The following ENTREP2 variants were observed in gnomAD, a reference collection of about 807,000 sequenced individuals.
ENTREP2 encodes the protein protein ENTREP2.
the ENTREP2 span, among the ~76,000 whole-genome samples, chr15:29,559,131 A>G: frequency 6.6e-6 from 1 of 152,130 alleles, no homozygotes; most frequent in Non-Finnish European, 1.5e-5. Flanking sequence ...CTAGGCTTAA[A>G]TAAGTTGATA....
the ENTREP2 span, among the ~76,000 whole-genome samples, chr15:29,236,117 G>C: frequency 1.3e-5 from 2 of 152,102 alleles, no homozygotes; most frequent in African/African-American, 4.8e-5. Flanking sequence ...CAACAACACT[G>C]ACAGAAGTTT....
the ENTREP2 span, among the ~76,000 whole-genome samples, chr15:29,674,133 G>C: frequency 1.6e-4 from 24 of 148,772 alleles, 2 homozygotes; most frequent in Non-Finnish European, 1.3e-4. Flanking sequence ...GAGGATGGGG[G>C]GGGGGGGGGG....
the ENTREP2 span, among the ~76,000 whole-genome samples, chr15:29,557,363 G>A: frequency 7.2e-5 from 11 of 152,204 alleles, no homozygotes; most frequent in Admixed American, 5.9e-4. Context: ...CCAAAGCGCA[G>A]ATGCCAGCTG....
At chr15:29,398,489 C>T in the ENTREP2 span, among the ~76,000 whole-genome samples, 2 of 151,852 alleles carry the variant, frequency 1.3e-5, no homozygotes, top group Non-Finnish European at 1.5e-5. Context: ...TTTGGGAGGC[C>T]GAGGCTAGCG....
chr15:29,246,241 G>C, the ENTREP2 span, among the ~76,000 whole-genome samples: 3 of 148,852 alleles, frequency 2.0e-5, no homozygotes, highest in Non-Finnish European at 4.5e-5. Context: ...TACAAAAAAA[G>C]TTAGCTGGTT....
the ENTREP2 span, among the ~76,000 whole-genome samples, chr15:29,391,969 T>C: frequency 3.9e-5 from 6 of 152,048 alleles, no homozygotes; most frequent in Non-Finnish European, 5.9e-5. Context: ...GGACTACAGG[T>C]GCCTGCCACC....
At chr15:29,635,905 G>A in the ENTREP2 span, among the ~76,000 whole-genome samples, 6 of 152,168 alleles carry the variant, frequency 3.9e-5, no homozygotes, top group South Asian at 2.1e-4. Flanking sequence ...CTTGAGCCAG[G>A]TCCCTTCCAC....
At chr15:29,411,727 C>A in the ENTREP2 span, among the ~76,000 whole-genome samples, 2 of 152,258 alleles carry the variant, frequency 1.3e-5, no homozygotes, top group South Asian at 2.1e-4. Flanking sequence ...TTAAAAAATT[C>A]TTTCCAAATT....
chr15:29,295,981 A>T, the ENTREP2 span, among the ~76,000 whole-genome samples: 1 of 152,178 alleles, frequency 6.6e-6, no homozygotes, highest in African/African-American at 2.4e-5. Context: ...CCTTTTCCAT[A>T]TGTGTGTGGG....
the ENTREP2 span, among the ~76,000 whole-genome samples, chr15:29,470,969 G>T: frequency 6.6e-6 from 1 of 152,160 alleles, no homozygotes; most frequent in Admixed American, 6.5e-5. Context: ...TCAAAATACT[G>T]GCTATGGCTC....
chr15:29,223,892 C>G, the ENTREP2 span, among the ~76,000 whole-genome samples: 1 of 152,194 alleles, frequency 6.6e-6, no homozygotes, highest in South Asian at 2.1e-4. Flanking sequence ...GACAGACGTC[C>G]CAGTGCACAT....
the ENTREP2 span, among the ~76,000 whole-genome samples, chr15:29,472,428 A>ACACACAC: frequency 2.1e-5 from 3 of 140,622 alleles, no homozygotes; most frequent in Admixed American, 2.1e-4. Context: ...CACAACACAC[A>ACACACAC]ACACACACAC....
chr15:29,596,982 T>A, the ENTREP2 span, among the ~76,000 whole-genome samples: 4 of 152,070 alleles, frequency 2.6e-5, no homozygotes, highest in Non-Finnish European at 4.4e-5. Context: ...TAATTTTTTT[T>A]AAATTTACCT....
At chr15:29,503,108 A>C in the ENTREP2 span, among the ~76,000 whole-genome samples, 29 of 152,284 alleles carry the variant, frequency 1.9e-4, no homozygotes, top group South Asian at 1.9e-3. Context: ...TATACCTAAC[A>C]GTATTGAAAA....
the ENTREP2 span, among the ~76,000 whole-genome samples, chr15:29,340,973 C>G: frequency 6.6e-6 from 1 of 152,140 alleles, no homozygotes; most frequent in Non-Finnish European, 1.5e-5. Context: ...TCAAATATGC[C>G]AGGCCCCATG....
chr15:29,457,237 G>A, the ENTREP2 span, among the ~76,000 whole-genome samples: 42 of 152,324 alleles, frequency 2.8e-4, no homozygotes, highest in African/African-American at 8.9e-4. Context: ...ACATCCAGTC[G>A]GAATGTCCCT....
chr15:29,130,057 CCTT>C, the ENTREP2 span, among the ~76,000 whole-genome samples: 1 of 152,144 alleles, frequency 6.6e-6, no homozygotes, highest in Non-Finnish European at 1.5e-5. Flanking sequence ...TAGCTGGTCT[CCTT>C]CATCTCTCCT....
At chr15:29,548,453 T>TAAAAAAAAAAAAAAA in the ENTREP2 span, among the ~76,000 whole-genome samples, 2 of 134,184 alleles carry the variant, frequency 1.5e-5, 1 homozygote. Context: ...AGATTCTGCC[T>TAAAAAAAAAAAAAAA]AAAAAAAAAA....
At chr15:29,663,926 G>T in the ENTREP2 span, among the ~76,000 whole-genome samples, 4 of 151,926 alleles carry the variant, frequency 2.6e-5, no homozygotes, top group Non-Finnish European at 5.9e-5. Flanking sequence ...TACCTGAGAG[G>T]CTGAGGCAGG....
Sources: allele counts gnomAD v4.1 joint callset (sites outside exome capture counted in the v4.1 genomes callset), GRCh38; gene constraint gnomAD v4.1.1; transcripts MANE v1.5; gene names NCBI Gene and HGNC (gene_info 2026-07-23, HGNC 2026-07-21).